ADCY8: variants seen among roughly 807,000 people sequenced by gnomAD.
The protein encoded by ADCY8 is adenylate cyclase type 8.
In ADCY8, 51 loss-of-function variants were observed where a neutral mutation model predicts 119.7. That is an observed-to-expected ratio of 0.43 (90% CI 0.34 to 0.54). ADCY8 has a LOEUF of 0.54. Among genes scored for constraint, ADCY8 ranks in the 20% least tolerant of loss-of-function variants. The pLI is 0.03. For missense variants in ADCY8, 1,383 were observed against 1,598.8 expected, an observed-to-expected ratio of 0.87 and a Z score of 2.30; for synonymous variants, 665 against 651.0, an observed-to-expected ratio of 1.02 and a Z score of -0.33.
At position 130,965,783 on chromosome 8, in the gene ADCY8, G is replaced by T. The variant is rs567700461; in HGVS notation, c.1111-13785C>A. ...AATAAATTTATCATTTTATGTTTAA[G>T]TTACAAATAAAAGGTTTATGTATAA... On this transcript the variant is annotated intron_variant, in intron 2 of 17. Transcript: ENST00000286355. 2.0e-4 allele frequency among the ~76,000 whole-genome samples: 30 copies of T among 152,176 alleles called. No homozygotes were observed. The South Asian group carries it at 6.2e-3, about 32-fold the overall frequency.
chr8:131,037,633 A>T (rs1824202001), intron 1 of ADCY8, among the ~76,000 whole-genome samples: 1 of 152,184 alleles, frequency 6.6e-6, no homozygotes, highest in African/African-American at 2.4e-5. Context: ...AGTTAGATGA[A>T]AAAAAGAGAA....
intron 5 of ADCY8, among the ~76,000 whole-genome samples, chr8:130,914,070 C>A (rs1353676855): frequency 6.6e-6 from 1 of 152,120 alleles, no homozygotes; most frequent in Non-Finnish European, 1.5e-5. Flanking sequence ...GGAATTGTAG[C>A]CTGAGAAAGT....
chr8:130,929,390 TC>T (rs2130605537), intron 5 of ADCY8, among the ~76,000 whole-genome samples: 1 of 152,322 alleles, frequency 6.6e-6, no homozygotes, highest in African/African-American at 2.4e-5. Context: ...CCTTCATTGA[TC>T]CATTGGTTGT....
At chr8:130,868,388 G>C (rs1563702060) in intron 8 of ADCY8, among the ~76,000 whole-genome samples, 2 of 152,036 alleles carry the variant, frequency 1.3e-5, no homozygotes, top group Admixed American at 6.5e-5. Flanking sequence ...AAATTCTCAG[G>C]CTCTTAAAAT....
intron 5 of ADCY8, among the ~76,000 whole-genome samples, chr8:130,927,728 A>G (rs909081465): frequency 6.6e-6 from 1 of 152,090 alleles, no homozygotes; most frequent in Non-Finnish European, 1.5e-5. Flanking sequence ...TTCTCTATAT[A>G]AAATCATGTC....
chr8:130,939,292 C>A (rs1820888824), intron 4 of ADCY8, among the ~76,000 whole-genome samples: 1 of 152,158 alleles, frequency 6.6e-6, no homozygotes, highest in African/African-American at 2.4e-5. Context: ...AAACTCACTA[C>A]ATTGCTTTTA....
chr8:131,032,230 A>G (rs554218687), intron 1 of ADCY8, among the ~76,000 whole-genome samples: 12 of 152,322 alleles, frequency 7.9e-5, no homozygotes, highest in Middle Eastern at 3.4e-3. Flanking sequence ...TGTCTTCACC[A>G]TGTATAACTT....
At position 130,846,530 on chromosome 8, in the gene ADCY8, C is replaced by CCCTT. The variant is rs764912713; in HGVS notation, c.2502+890_2502+893dup. On this transcript the variant is annotated intron_variant, in intron 11 of 17. Coordinates refer to ENST00000286355, the MANE Select transcript of ADCY8 (RefSeq NM_001115.3). ...TTCTTCCCTCTCTCCCTCCCTCCCT[C>CCCTT]CCTTCCTTCCTTCCTTCATTCCTTC... 3.3e-3 allele frequency among the ~76,000 whole-genome samples: 428 copies of CCCTT among 131,496 alleles called. 5 individuals are homozygous for CCCTT. The highest frequency in any genetic ancestry group is 0.012 in the African/African-American group (374 of 31,508). 86.3% of individuals were successfully genotyped at this position (131,496 alleles called of 152,430 possible). A position where few individuals can be genotyped will look rare whatever the true frequency, so the allele number is the denominator to read the frequency against.
chr8:130,982,795 C>G (rs1441498691), intron 2 of ADCY8, among the ~76,000 whole-genome samples: 2 of 152,136 alleles, frequency 1.3e-5, no homozygotes, highest in African/African-American at 2.4e-5. Context: ...AATCAACATT[C>G]AATTAGTTTG....
intron 2 of ADCY8, among the ~76,000 whole-genome samples, chr8:130,959,482 C>G (rs776035477): frequency 3.9e-5 from 6 of 152,058 alleles, no homozygotes; most frequent in Non-Finnish European, 5.9e-5. Flanking sequence ...GTGCCAAGCA[C>G]AGCAATAGAT....
intron 5 of ADCY8, among the ~76,000 whole-genome samples, chr8:130,925,347 C>T (rs1041840742): frequency 1.3e-5 from 2 of 152,222 alleles, no homozygotes; most frequent in Admixed American, 1.3e-4. Flanking sequence ...GACCCAAACT[C>T]AGCCTCCCTT....
At chr8:130,982,403 C>T (rs1822267007) in intron 2 of ADCY8, among the ~76,000 whole-genome samples, 1 of 152,206 alleles carries the variant, frequency 6.6e-6, no homozygotes, top group Admixed American at 6.5e-5. Flanking sequence ...ATCTGAGCAT[C>T]AGATTGGGGC....
At chr8:130,956,223 T>C (rs6988340) in intron 2 of ADCY8, among the ~76,000 whole-genome samples, 123,500 of 152,152 alleles carry the variant, frequency 0.81, 52,636 homozygotes, top group East Asian at 0.95. Flanking sequence ...CTCTCCTTGG[T>C]TAACCCTTGT....
At chr8:130,877,898 A>G (rs1818626874) in intron 8 of ADCY8, among the ~76,000 whole-genome samples, 1 of 152,144 alleles carries the variant, frequency 6.6e-6, no homozygotes, top group African/African-American at 2.4e-5. Flanking sequence ...TGACGGTTGG[A>G]ACCCTGGTAC....
intron 5 of ADCY8, among the ~76,000 whole-genome samples, chr8:130,917,763 TTGTGTGTGTG>T (rs146136196): frequency 2.1e-4 from 31 of 147,352 alleles, no homozygotes; most frequent in African/African-American, 7.2e-4. Context: ...CACAGGGAGT[TTGTGTGTGTG>T]TGTGTGTGTG....
chr8:130,944,438 A>G (rs1467862010), intron 3 of ADCY8, among the ~76,000 whole-genome samples: 3 of 152,332 alleles, frequency 2.0e-5, no homozygotes, highest in Non-Finnish European at 2.9e-5. Context: ...CGAGCTTTTT[A>G]CATCTTTTCT....
At chr8:130,890,448 C>T (rs541227803) in intron 7 of ADCY8, among the ~76,000 whole-genome samples, 90 of 152,218 alleles carry the variant, frequency 5.9e-4, no homozygotes, top group African/African-American at 2.1e-3. Flanking sequence ...TTTCTGTTCT[C>T]TCCCAAATGG....
chr8:130,946,975 G>T (rs1171184371), intron 3 of ADCY8, among the ~76,000 whole-genome samples: 1 of 152,162 alleles, frequency 6.6e-6, no homozygotes, highest in Non-Finnish European at 1.5e-5. Flanking sequence ...CCAGGGCCCT[G>T]GTTCTCATTC....
chr8:131,000,499 C>T (rs1451414950), intron 1 of ADCY8, among the ~76,000 whole-genome samples: 3 of 152,100 alleles, frequency 2.0e-5, no homozygotes, highest in East Asian at 1.9e-4. Flanking sequence ...ATCCAAAGTG[C>T]CTTGCATATT....
Sources: gnomAD v4.1 joint callset for allele counts (sites outside exome capture counted in the v4.1 genomes callset) on GRCh38, gnomAD v4.1.1 for gene constraint, MANE v1.5 for transcripts, NCBI Gene and HGNC (gene_info 2026-07-23, HGNC 2026-07-21) for gene names.